Variants in OAS1 observed in about 807,000 individuals in gnomAD.
The protein encoded by OAS1 is 2'-5'-oligoadenylate synthetase 1.
In OAS1, 24 loss-of-function variants were observed where a neutral mutation model predicts 38.5. That is an observed-to-expected ratio of 0.62 (90% CI 0.45 to 0.88). OAS1 has a LOEUF of 0.88. Among genes scored for constraint, OAS1 ranks in the 40% least tolerant of loss-of-function variants. The pLI, the probability that OAS1 is intolerant of heterozygous loss-of-function variation, is 0.00. For synonymous variants in OAS1, 169 were observed against 193.9 expected, an observed-to-expected ratio of 0.87 and a Z score of 1.07; for missense variants, 482 against 493.9, an observed-to-expected ratio of 0.98 and a Z score of 0.23.
At position 112,907,078 on chromosome 12, in the gene OAS1, C is replaced by A. The variant is rs1451443764; in HGVS notation, c.39C>A (p.Asp13Glu). ...DLRNTPAKSL[D>E]KFIEDYLLPD... ...GAAATACCCCAGCCAAATCTCTGGA[C>A]AAGTTCATTGAAGACTATCTCTTGC... The change falls in exon 1 of 6, where the codon GAC (aspartate) becomes GAA (glutamate). Residue 13 changes from aspartate to glutamate, a missense_variant. Coordinates refer to ENST00000202917, the MANE Select transcript of OAS1 (RefSeq NM_016816.4). The A allele has an allele frequency of 6.2e-7, 1 of 1,614,230 alleles. No homozygotes were observed. Among genetic ancestry groups the A allele is most frequent in the South Asian group, 1.1e-5 (1 of 91,088 alleles).
chr12:112,915,922 G>C (rs1280127379), intron 3 of OAS1, among the ~76,000 whole-genome samples: 2 of 152,124 alleles, frequency 1.3e-5, no homozygotes, highest in Non-Finnish European at 2.9e-5. Context: ...ATAACTCTTA[G>C]TGTTTTGTTT....
rs115779822 is a variant in OAS1 at position 112,918,466 on chromosome 12, C to T, written c.1038+766C>T. ...GCGATAAACATACGAGTGCCGGTGT[C>T]TTTTGATAGAATGATTTCTTTACCT... On this transcript the variant is annotated intron_variant, in intron 5 of 5. Coordinates refer to ENST00000202917, the MANE Select transcript of OAS1 (RefSeq NM_016816.4). 819 of 341,650 alleles carry T rather than the reference C, an allele frequency of 2.4e-3. 1 individual carries two copies. The highest frequency in any genetic ancestry group is 0.016 in the African/African-American group (738 of 46,706). 21.2% of individuals were successfully genotyped at this position (341,650 alleles called of 1,614,324 possible). A position where few individuals can be genotyped will look rare whatever the true frequency, so the allele number is the denominator to read the frequency against.
chr12:112,912,423 T>C (rs1055414667), intron 3 of OAS1, among the ~76,000 whole-genome samples: 4 of 152,226 alleles, frequency 2.6e-5, no homozygotes, highest in Admixed American at 6.5e-5. Flanking sequence ...AGGCATTCAA[T>C]GTATATTTCT....
chr12:112,907,322 A>T, intron 1 of OAS1, 103 bp downstream of exon 1: 1 of 1,206,462 alleles, frequency 8.3e-7, no homozygotes, highest in South Asian at 1.4e-5. Flanking sequence ...CCTAGAACCC[A>T]GGGTGCAAAT....
downstream of OAS1, among the ~76,000 whole-genome samples, chr12:112,924,674 T>G (rs991015263): frequency 6.6e-6 from 1 of 152,222 alleles, no homozygotes; most frequent in African/African-American, 2.4e-5. Flanking sequence ...TTTGCAATGG[T>G]TGCTTCATGG....
intron 5 of OAS1, chr12:112,917,926 T>A: frequency 7.0e-7 from 1 of 1,438,188 alleles, no homozygotes; most frequent in Admixed American, 2.8e-5. Context: ...CTAAGAGTAA[T>A]AATAAATAAT....
intron 6 of OAS1, among the ~76,000 whole-genome samples, chr12:112,931,243 C>T (rs779707230): frequency 2.6e-5 from 4 of 152,202 alleles, no homozygotes; most frequent in Non-Finnish European, 5.9e-5. Flanking sequence ...AGGGACCTTA[C>T]ATTCATTATT....
At chr12:112,914,109 C>T (rs1486871010) in intron 3 of OAS1, among the ~76,000 whole-genome samples, 2 of 152,098 alleles carry the variant, frequency 1.3e-5, no homozygotes, top group Non-Finnish European at 2.9e-5. Context: ...CCCCGCAGTC[C>T]GCAAAGTCCC....
chr12:112,919,338 G>C, intron 5 of OAS1, 51 bp from the exon 6 acceptor site: 1 of 1,515,196 alleles, frequency 6.6e-7, no homozygotes, highest in Non-Finnish European at 9.0e-7. Flanking sequence ...ACTGAATCCA[G>C]CTGCAATGCA....
intron 6 of OAS1, among the ~76,000 whole-genome samples, chr12:112,925,704 T>C (rs1248076377): frequency 6.6e-6 from 1 of 152,172 alleles, no homozygotes; most frequent in Non-Finnish European, 1.5e-5. Flanking sequence ...AAGAATTCCT[T>C]GAGCCCACGA....
chr12:112,911,348 G>A, intron 3 of OAS1, 113 bp downstream of exon 3: 4 of 788,896 alleles, frequency 5.1e-6, no homozygotes, highest in Non-Finnish European at 7.7e-6. Flanking sequence ...GTGGTGGAGG[G>A]AAATAGAGGG....
chr12:112,907,972 C>T (rs934574789), intron 1 of OAS1, among the ~76,000 whole-genome samples: 1 of 152,196 alleles, frequency 6.6e-6, no homozygotes, highest in Non-Finnish European at 1.5e-5. Flanking sequence ...ACTTCCCTTA[C>T]CTTATGCAGC....
At chr12:112,918,551 T>C in intron 5 of OAS1, 1 of 406,698 alleles carries the variant, frequency 2.5e-6, no homozygotes, top group Non-Finnish European at 5.0e-6. Flanking sequence ...TTTTAGTTAT[T>C]TGAAAAGTCC....
In OAS1 at chr12:112,915,616, C is replaced by T. The variant is rs188075664; in HGVS notation, c.655-893C>T. Among the ~76,000 whole-genome samples the T allele has an allele frequency of 4.5e-3, 691 of 152,060 alleles. 7 individuals are homozygous for T. The highest frequency in any genetic ancestry group is 5.7e-3 in the Non-Finnish European group (387 of 67,994). ...TGGCTATGTGAGCTCTTTTTTGGTG[C>T]CATATGAATTTTAGGATTGTTTTTT... On this transcript the variant is annotated intron_variant, in intron 3 of 5. Coordinates refer to ENST00000202917, the MANE Select transcript of OAS1 (RefSeq NM_016816.4).
chr12:112,907,345 A>T (rs1253177351), intron 1 of OAS1, 126 bp downstream of exon 1: 1 of 833,530 alleles, frequency 1.2e-6, no homozygotes, highest in Non-Finnish European at 1.9e-6. Context: ...GAGTACAGAG[A>T]GCTGAGATCT....
At chr12:112,926,440 G>A (rs893466067) in intron 6 of OAS1, among the ~76,000 whole-genome samples, 1 of 152,160 alleles carries the variant, frequency 6.6e-6, no homozygotes, top group African/African-American at 2.4e-5. Context: ...AGAAATAAAG[G>A]GAAAGAGTAC....
chr12:112,928,910 T>TG (rs1040772716), intron 6 of OAS1, among the ~76,000 whole-genome samples: 1 of 152,170 alleles, frequency 6.6e-6, no homozygotes, highest in African/African-American at 2.4e-5. Context: ...TCTTGAGGAT[T>TG]GGGGGAGAGG....
At chr12:112,908,069 C>A (rs1323837310) in intron 1 of OAS1, among the ~76,000 whole-genome samples, 1 of 152,228 alleles carries the variant, frequency 6.6e-6, no homozygotes, top group African/African-American at 2.4e-5. Context: ...CCACTCCCTG[C>A]GCCAGTTTCA....
downstream of OAS1, among the ~76,000 whole-genome samples, chr12:112,923,769 G>T (rs11066452): frequency 0.75 from 114,228 of 152,154 alleles, 44,129 homozygotes; most frequent in African/African-American, 0.94. Context: ...TGCATACGTG[G>T]CCACCTGATC....
Sources: allele counts gnomAD v4.1 joint callset (sites outside exome capture counted in the v4.1 genomes callset), GRCh38; gene constraint gnomAD v4.1.1; transcripts MANE v1.5; gene names NCBI Gene and HGNC (gene_info 2026-07-23, HGNC 2026-07-21).